Variants in CDK6 observed in about 807,000 individuals in gnomAD.
The protein encoded by CDK6 is cyclin-dependent kinase 6.
Under a neutral mutation model 37.1 loss-of-function variants are expected in CDK6, and 6 were observed. That is an observed-to-expected ratio of 0.16 (90% CI 0.09 to 0.32). CDK6 has a LOEUF of 0.32. Among genes scored for constraint, CDK6 ranks in the 10% least tolerant of loss-of-function variants. CDK6 has a pLI of 1.00. For synonymous variants in CDK6, 160 were observed against 161.3 expected, an observed-to-expected ratio of 0.99 and a Z score of 0.06; for missense variants, 224 against 418.9, an observed-to-expected ratio of 0.53 and a Z score of 4.06.
rs540735364 is a variant in CDK6, at chr7:92,633,624, CTT to C, written c.648-10540_648-10539del. ...AATAAAGCTGGTTAACAAAGCTAGCCTTTTTTTTTTTTTTTTCCCTCTGTGGG... is the reference window on the plus strand; with the variant it reads ...AATAAAGCTGGTTAACAAAGCTAGCCTTTTTTTTTTTTTTCCCTCTGTGGG... On this transcript the variant is annotated intron_variant, in intron 5 of 7. Transcript: ENST00000424848. 9.3e-3 allele frequency among the ~76,000 whole-genome samples: 1,246 copies of C among 133,546 alleles called. 10 individuals are homozygous for C. The highest frequency in any genetic ancestry group is 0.024 in the African/African-American group (860 of 36,452). The allele number at this position is 133,546 out of a possible 152,430, so 87.6% of individuals were successfully genotyped here.
At chr7:92,819,861 G>A (rs1461350260) in intron 2 of CDK6, among the ~76,000 whole-genome samples, 2 of 151,724 alleles carry the variant, frequency 1.3e-5, no homozygotes, top group African/African-American at 4.8e-5. Flanking sequence ...AAAAACCAGA[G>A]AAAAGAGATG....
intron 5 of CDK6, among the ~76,000 whole-genome samples, chr7:92,653,090 A>G (rs1796612600): frequency 6.6e-6 from 1 of 152,206 alleles, no homozygotes; most frequent in African/African-American, 2.4e-5. Context: ...CTTTGTGTAT[A>G]GCTTTAATAG....
intron 5 of CDK6, among the ~76,000 whole-genome samples, chr7:92,658,481 G>A (rs1267047436): frequency 6.6e-6 from 1 of 152,078 alleles, no homozygotes; most frequent in African/African-American, 2.4e-5. Flanking sequence ...AAGCGAATAA[G>A]CAATGTACAG....
chr7:92,729,287 A>T (rs1798587685), intron 3 of CDK6, among the ~76,000 whole-genome samples: 1 of 152,206 alleles, frequency 6.6e-6, no homozygotes, highest in Admixed American at 6.5e-5. Flanking sequence ...ATATGACTCA[A>T]ATATTTCACA....
intron 2 of CDK6, among the ~76,000 whole-genome samples, chr7:92,779,133 CTT>C (rs1210469500): frequency 1.3e-5 from 2 of 152,020 alleles, no homozygotes; most frequent in Non-Finnish European, 2.9e-5. Context: ...TTCAAGCACT[CTT>C]TGCATGACAC....
At chr7:92,686,335 T>C (rs940222916) in intron 4 of CDK6, among the ~76,000 whole-genome samples, 1 of 152,134 alleles carries the variant, frequency 6.6e-6, no homozygotes, top group African/African-American at 2.4e-5. Context: ...CTTATGCCTT[T>C]GCATCCTCAT....
chr7:92,641,550 T>A (rs1220410858), intron 5 of CDK6, among the ~76,000 whole-genome samples: 1 of 152,244 alleles, frequency 6.6e-6, no homozygotes, highest in Non-Finnish European at 1.5e-5. Flanking sequence ...TTATACTCTT[T>A]ACTCGTATTT....
rs1046410303 is a variant in CDK6, at chr7:92,610,317, C to T, written c.*4823G>A. Reference sequence around the variant, plus strand: ...AGGTAACAATATGTTGAAGGAAGTCCACTTCTACTCATTTAGCTAAACGTT... The same window carrying T: ...AGGTAACAATATGTTGAAGGAAGTCTACTTCTACTCATTTAGCTAAACGTT... On this transcript the variant is annotated 3_prime_UTR_variant, in exon 8 of 8. Coordinates refer to ENST00000424848, the MANE Select transcript of CDK6 (RefSeq NM_001145306.2). The T allele has an allele frequency of 1.7e-5, 4 of 232,036 alleles. No individual in the cohort carries two copies. Among genetic ancestry groups the T allele is most frequent in the Non-Finnish European group, 2.6e-5 (3 of 117,432 alleles). The allele number at this position is 232,036 out of a possible 1,614,324, so 14.4% of individuals were successfully genotyped here.
In CDK6 at chr7:92,609,277, G is replaced by C; in HGVS notation, c.*5863C>G. On this transcript the variant is annotated 3_prime_UTR_variant, in exon 8 of 8. Coordinates refer to ENST00000424848, the MANE Select transcript of CDK6 (RefSeq NM_001145306.2). ...TAAATTTCAAGTGACACTGCTGTGA[G>C]AAAGGTGACCTCTAAAATTAACTTA... The C allele has an allele frequency of 4.3e-6, 1 of 232,712 alleles. No homozygotes were observed. Among genetic ancestry groups the C allele is most frequent in the Non-Finnish European group, 8.5e-6 (1 of 117,740 alleles). The allele number at this position is 232,712 out of a possible 1,614,324, so 14.4% of individuals were successfully genotyped here. A position where few individuals can be genotyped will look rare whatever the true frequency, so the allele number is the denominator to read the frequency against.
rs2116484028 is a variant in CDK6 at position 92,618,100 on chromosome 7, A to G, written c.806T>C (p.Ile269Thr). 6.2e-7 allele frequency: 1 copy of G among 1,614,146 alleles called. No homozygotes were observed. Among genetic ancestry groups the G allele is most frequent in the Non-Finnish European group, 8.5e-7 (1 of 1,180,002 alleles). The change falls in exon 7 of 8, where the codon ATC becomes ACC. Residue 269 changes from isoleucine (I) to threonine (T), a missense_variant. This residue lies in a region of CDK6 where 90 missense variants were observed against 136.2 expected (regional missense o/e 0.66). Coordinates refer to ENST00000424848, the MANE Select transcript of CDK6 (RefSeq NM_001145306.2). ...AAGTAGGTCTTTGCCTAGTTCATCG[A>G]TATCTGTTACAAACTTCTCAATTGG... ...AQPIEKFVTD[I>T]DELGKDLLLK...
intron 4 of CDK6, among the ~76,000 whole-genome samples, chr7:92,697,717 A>G (rs1797752689): frequency 6.6e-6 from 1 of 152,206 alleles, no homozygotes; most frequent in African/African-American, 2.4e-5. Context: ...ACTCCAAGGC[A>G]TGTCAATCTT....
intron 2 of CDK6, among the ~76,000 whole-genome samples, chr7:92,784,462 C>CAG (rs1352385000): frequency 1.3e-5 from 2 of 152,164 alleles, no homozygotes; most frequent in African/African-American, 4.8e-5. Flanking sequence ...AGATCAGGAA[C>CAG]AGGGCACTGT....
At chr7:92,654,163 T>C (rs534185973) in intron 5 of CDK6, among the ~76,000 whole-genome samples, 26 of 151,972 alleles carry the variant, frequency 1.7e-4, no homozygotes, top group African/African-American at 6.3e-4. Context: ...CAGATTGCTG[T>C]TTTCACATTT....
At chr7:92,836,401 G>C (rs1340189554) in intron 1 of CDK6, 77 bp downstream of exon 1, 1 of 136,536 alleles carries the variant, frequency 7.3e-6, no homozygotes, top group Non-Finnish European at 1.6e-5. Flanking sequence ...TTCTGCCTCG[G>C]ACCCCGGCCA....
chr7:92,689,040 A>G (rs1396534266), intron 4 of CDK6, among the ~76,000 whole-genome samples: 1 of 150,320 alleles, frequency 6.7e-6, no homozygotes, highest in African/African-American at 2.4e-5. Flanking sequence ...TGTAGGAATT[A>G]TTTTTTTTAA....
intron 3 of CDK6, among the ~76,000 whole-genome samples, chr7:92,749,017 G>A (rs559950515): frequency 6.6e-6 from 1 of 152,098 alleles, no homozygotes; most frequent in African/African-American, 2.4e-5. Context: ...TGACCAACAT[G>A]GTGAAACACC....
At chr7:92,795,479 A>G (rs1800386457) in intron 2 of CDK6, among the ~76,000 whole-genome samples, 1 of 152,140 alleles carries the variant, frequency 6.6e-6, no homozygotes. Context: ...AGGTCACAAA[A>G]TGTGTTACAA....
intron 5 of CDK6, among the ~76,000 whole-genome samples, chr7:92,641,967 A>T (rs1796317841): frequency 6.6e-6 from 1 of 152,212 alleles, no homozygotes; most frequent in African/African-American, 2.4e-5. Flanking sequence ...AGAAAACTGC[A>T]TAGAAGAATG....
chr7:92,723,494 A>C lies in CDK6; in HGVS notation c.537+2132T>G, dbSNP rs142165393. Among the ~76,000 whole-genome samples the C allele has an allele frequency of 3.2e-3, 483 of 152,298 alleles. 5 individuals carry two copies. The highest frequency in any genetic ancestry group is 0.011 in the African/African-American group (452 of 41,566). Reference sequence around the variant, plus strand: ...AAAAATACATACCAGTTCAGTCTAAAAAACTATGATTCCAAGTTTTTATGT... The same window carrying C: ...AAAAATACATACCAGTTCAGTCTAACAAACTATGATTCCAAGTTTTTATGT... On this transcript the variant is annotated intron_variant, in intron 4 of 7. Transcript: ENST00000424848.
Sources: allele counts gnomAD v4.1 joint callset (sites outside exome capture counted in the v4.1 genomes callset), GRCh38; gene constraint gnomAD v4.1.1; regional missense constraint gnomAD v4.1.1; transcripts MANE v1.5; gene names NCBI Gene and HGNC (gene_info 2026-07-23, HGNC 2026-07-21).